The following LSAMP variants were observed in gnomAD, a reference collection of about 807,000 sequenced individuals.
LSAMP encodes limbic system-associated membrane protein.
LSAMP carries 7 observed loss-of-function variants against 38.6 expected under a neutral mutation model. The ratio of observed to expected loss-of-function variants is 0.18; its 90% CI spans 0.10 to 0.34. The LOEUF (loss-of-function observed/expected upper bound fraction) is 0.34. LSAMP is among the 10% of genes least tolerant of loss of function. The pLI, the probability that LSAMP is intolerant of heterozygous loss-of-function variation, is 1.00. For missense variants in LSAMP, 313 were observed against 420.0 expected (o/e 0.75, Z 2.23); for synonymous variants, 154 against 166.8 (o/e 0.92, Z 0.59).
chr3:115,815,963 C>A (rs547898934), intron 6 of LSAMP, among the ~76,000 whole-genome samples: 1 of 152,054 alleles, frequency 6.6e-6, no homozygotes, highest in South Asian at 2.1e-4. Context: ...ATGTAAGTTC[C>A]GCAAGAATAG....
intron 1 of LSAMP, among the ~76,000 whole-genome samples, chr3:116,432,064 C>T (rs1238023112): frequency 6.6e-6 from 1 of 151,844 alleles, no homozygotes; most frequent in Non-Finnish European, 1.5e-5. Context: ...TAGCACCTTG[C>T]ATGATTAATT....
chr3:115,960,710 G>GAAGGACTTAAAGAGTTATC (rs2107593698), intron 3 of LSAMP, among the ~76,000 whole-genome samples: 1 of 152,158 alleles, frequency 6.6e-6, no homozygotes. Flanking sequence ...CCACCTACAA[G>GAAGGACTTAAAGAGTTATC]AAGGACTTAA....
At chr3:115,887,775 GT>G (rs1936492895) in intron 3 of LSAMP, among the ~76,000 whole-genome samples, 1 of 151,832 alleles carries the variant, frequency 6.6e-6, no homozygotes, top group African/African-American at 2.4e-5. Context: ...AAGAAAATAG[GT>G]AGAAATTTAG....
intron 1 of LSAMP, among the ~76,000 whole-genome samples, chr3:116,104,785 A>G (rs1228391513): frequency 2.0e-5 from 3 of 151,650 alleles, no homozygotes; most frequent in African/African-American, 7.3e-5. Context: ...TACCTTTTTA[A>G]GAGGTGGTGC....
rs115558149 is a variant in LSAMP, at chr3:116,414,757, T to C, written c.155+30120A>G. 9.3e-3 allele frequency among the ~76,000 whole-genome samples: 1,418 copies of C among 152,278 alleles called. 22 individuals are homozygous for C. Among genetic ancestry groups the C allele is most frequent in the African/African-American group, 0.032 (1,344 of 41,554 alleles). The stretch of plus-strand genomic sequence containing the variant: ...TTTCTACTCTGTGATCTGTGACTTT[T>C]TGCATCTGCACTGCCATTTAATTCC... On this transcript the variant is annotated intron_variant, in intron 1 of 6. Transcript: ENST00000490035.
chr3:116,021,756 A>G (rs1392500212), intron 2 of LSAMP, among the ~76,000 whole-genome samples: 1 of 152,098 alleles, frequency 6.6e-6, no homozygotes, highest in Non-Finnish European at 1.5e-5. Flanking sequence ...ACAACTAAAA[A>G]AAAATCCCAG....
intron 1 of LSAMP, among the ~76,000 whole-genome samples, chr3:116,187,036 G>T (rs1710635580): frequency 6.6e-6 from 1 of 152,088 alleles, no homozygotes; most frequent in African/African-American, 2.4e-5. Context: ...ACACAACAAA[G>T]AATGTATTAT....
At chr3:115,839,569 G>T (rs993414206) in intron 6 of LSAMP, among the ~76,000 whole-genome samples, 3 of 152,052 alleles carry the variant, frequency 2.0e-5, no homozygotes, top group African/African-American at 7.2e-5. Flanking sequence ...TCTGCAATTT[G>T]AATAGTTCCT....
At chr3:116,020,479 G>A (rs1940607892) in intron 2 of LSAMP, among the ~76,000 whole-genome samples, 1 of 152,104 alleles carries the variant, frequency 6.6e-6, no homozygotes. Context: ...CTAGGTGAGG[G>A]GCAGAAAATG....
In LSAMP at chr3:116,209,822, G is replaced by A. The variant is rs544262853; in HGVS notation, c.156-123266C>T. Among the ~76,000 whole-genome samples the A allele has an allele frequency of 1.3e-4, 20 of 152,116 alleles. No homozygotes were observed. In the East Asian group the frequency reaches 2.9e-3, roughly 22 times the overall value. Reference sequence around the variant, plus strand: ...GCTGGAGCGCAGTGGCACGATCTCCGCTCACTGCAACCTCCGCCACCCGGG... The same window carrying A: ...GCTGGAGCGCAGTGGCACGATCTCCACTCACTGCAACCTCCGCCACCCGGG... On this transcript the variant is annotated intron_variant, in intron 1 of 6. Coordinates refer to ENST00000490035, the MANE Select transcript of LSAMP (RefSeq NM_002338.5).
intron 1 of LSAMP, among the ~76,000 whole-genome samples, chr3:116,369,188 G>C (rs2048397093): frequency 6.6e-6 from 1 of 152,064 alleles, no homozygotes. Context: ...GCTAGGGGTT[G>C]TAAGGAATAC....
intron 1 of LSAMP, among the ~76,000 whole-genome samples, chr3:116,352,073 C>A (rs924204762): frequency 6.6e-6 from 1 of 152,032 alleles, no homozygotes; most frequent in African/African-American, 2.4e-5. Context: ...CACCGCTTCA[C>A]CGTATGTACA....
At chr3:116,369,298 A>G (rs1413853877) in intron 1 of LSAMP, among the ~76,000 whole-genome samples, 1 of 152,194 alleles carries the variant, frequency 6.6e-6, no homozygotes, top group African/African-American at 2.4e-5. Context: ...GCTGAATGTG[A>G]TACACATTGA....
intron 1 of LSAMP, among the ~76,000 whole-genome samples, chr3:116,129,082 C>T (rs1203562618): frequency 6.6e-6 from 1 of 152,124 alleles, no homozygotes; most frequent in Non-Finnish European, 1.5e-5. Context: ...ACTATATTTA[C>T]ATTAAATTTA....
chr3:116,122,623 T>C (rs988153098), intron 1 of LSAMP, among the ~76,000 whole-genome samples: 8 of 152,362 alleles, frequency 5.3e-5, no homozygotes, highest in Non-Finnish European at 1.2e-4. Context: ...ACTTTTGCAT[T>C]ACCATTACTT....
chr3:116,033,071 G>T (rs1473320165), intron 2 of LSAMP, among the ~76,000 whole-genome samples: 1 of 152,072 alleles, frequency 6.6e-6, no homozygotes, highest in Non-Finnish European at 1.5e-5. Flanking sequence ...TGATTTTGAG[G>T]TATTTTTCTA....
At chr3:115,841,175 C>T (rs1394379335) in intron 6 of LSAMP, among the ~76,000 whole-genome samples, 1 of 152,166 alleles carries the variant, frequency 6.6e-6, no homozygotes, top group Non-Finnish European at 1.5e-5. Flanking sequence ...GACCATTCTC[C>T]CCTTGTTCTA....
At chr3:116,437,949 A>G (rs753684853) in intron 1 of LSAMP, among the ~76,000 whole-genome samples, 8 of 151,862 alleles carry the variant, frequency 5.3e-5, no homozygotes, top group Non-Finnish European at 1.2e-4. Context: ...CCTATTCTAC[A>G]TATCTATGAG....
chr3:116,423,531 T>C (rs960009152), intron 1 of LSAMP, among the ~76,000 whole-genome samples: 14 of 152,212 alleles, frequency 9.2e-5, no homozygotes, highest in Non-Finnish European at 2.1e-4. Context: ...TCCCTCCTCC[T>C]CTTTTTCCCC....
Sources: gnomAD v4.1 joint callset for allele counts (sites outside exome capture counted in the v4.1 genomes callset) on GRCh38, gnomAD v4.1.1 for gene constraint, MANE v1.5 for transcripts, NCBI Gene and HGNC (gene_info 2026-07-23, HGNC 2026-07-21) for gene names.